TMPRSS15: variants seen among roughly 807,000 people sequenced by gnomAD.
The protein encoded by TMPRSS15 is enteropeptidase.
In TMPRSS15, 128 loss-of-function variants were observed where a neutral mutation model predicts 125.3. The observed-to-expected ratio is 1.02, with a 90% CI of 0.89 to 1.18. The LOEUF (loss-of-function observed/expected upper bound fraction) is 1.18. TMPRSS15 is among the 50% of genes most tolerant of loss of function. TMPRSS15 has a pLI of 0.00. For missense variants in TMPRSS15, 1,283 were observed against 1,212.7 expected (o/e 1.06, Z -0.86); for synonymous variants, 446 against 423.2 (o/e 1.05, Z -0.66).
At chr21:18,403,955 G>A (rs1479406558), upstream of TMPRSS15, among the ~76,000 whole-genome samples, 1 of 152,150 alleles carries the variant, frequency 6.6e-6, no homozygotes, top group Non-Finnish European at 1.5e-5. Flanking sequence ...TTATCATTTT[G>A]AGAACTATTA....
intron 3 of TMPRSS15, among the ~76,000 whole-genome samples, chr21:18,389,322 T>C (rs1436610282): frequency 3.9e-5 from 6 of 152,156 alleles, no homozygotes; most frequent in South Asian, 4.1e-4. Context: ...AAGCTTTCAT[T>C]GTGTCTGTAT....
chr21:18,354,161 T>G (rs535160227), intron 8 of TMPRSS15, among the ~76,000 whole-genome samples: 1 of 151,984 alleles, frequency 6.6e-6, no homozygotes, highest in South Asian at 2.1e-4. Context: ...GATGCATTCA[T>G]TTACTGGCAA....
intron 1 of TMPRSS15, among the ~76,000 whole-genome samples, chr21:18,408,930 A>T (rs762920814): frequency 6.6e-6 from 1 of 152,122 alleles, no homozygotes; most frequent in Non-Finnish European, 1.5e-5. Context: ...TAAAAGAGTT[A>T]TAGTTGTAAC....
At position 18,270,067 on chromosome 21, in the gene TMPRSS15, C is replaced by A; in HGVS notation, c.2962G>T (p.Val988Leu). ...QENNRWFLAG[V>L]TSFGYKCALP... is the part of the protein sequence containing the mutation. ...GCACACTTGTATCCAAATGAGGTCA[C>A]ACCAGCAAGGAACCACCTGTTGTTT... is the stretch of plus-strand genomic sequence containing the variant. The change falls in exon 25 of 25, where the codon GTG (valine) becomes TTG (leucine). Residue 988 changes from valine (V) to leucine (L), a missense_variant. Physicochemically the swap from Val to Leu is conservative, Grantham distance 32. Transcript: ENST00000284885. 1 of 1,614,008 alleles carries A rather than the reference C, an allele frequency of 6.2e-7. No homozygotes were observed. The highest frequency in any genetic ancestry group is 8.5e-7 in the Non-Finnish European group (1 of 1,179,916).
intron 1 of TMPRSS15, among the ~76,000 whole-genome samples, chr21:18,434,230 C>A (rs2076223182): frequency 1.3e-5 from 2 of 152,132 alleles, no homozygotes; most frequent in African/African-American, 4.8e-5. Flanking sequence ...ATCTACATTG[C>A]ACGTATACTC....
intron 12 of TMPRSS15, among the ~76,000 whole-genome samples, chr21:18,342,268 T>C (rs2075454972): frequency 6.6e-6 from 1 of 152,276 alleles, no homozygotes. Flanking sequence ...TGCTATTTGC[T>C]ATGCTAGGCA....
chr21:18,402,270 G>A (rs2076101802), intron 1 of TMPRSS15, among the ~76,000 whole-genome samples: 1 of 152,136 alleles, frequency 6.6e-6, no homozygotes, highest in East Asian at 1.9e-4. Flanking sequence ...GGTGGCTCAT[G>A]CCTGTAATCC....
At chr21:18,315,471 C>G (rs2075154791) in intron 16 of TMPRSS15, among the ~76,000 whole-genome samples, 1 of 106,770 alleles carries the variant, frequency 9.4e-6, no homozygotes, top group Non-Finnish European at 2.1e-5. Context: ...TGCACATGTA[C>G]CGTAGAACTT....
chr21:18,331,565 T>C (rs2075345901), intron 14 of TMPRSS15, among the ~76,000 whole-genome samples: 1 of 152,260 alleles, frequency 6.6e-6, no homozygotes, highest in Non-Finnish European at 1.5e-5. Context: ...TTTTATTTTT[T>C]ATACTGGAAA....
At chr21:18,473,408 G>A (rs1035510232) in intron 1 of TMPRSS15, among the ~76,000 whole-genome samples, 1 of 151,906 alleles carries the variant, frequency 6.6e-6, no homozygotes, top group Non-Finnish European at 1.5e-5. Flanking sequence ...CAGTTGTATC[G>A]ATTATAATCA....
At chr21:18,324,784 T>C (rs1298879797) in intron 16 of TMPRSS15, among the ~76,000 whole-genome samples, 1 of 152,162 alleles carries the variant, frequency 6.6e-6, no homozygotes, top group Non-Finnish European at 1.5e-5. Flanking sequence ...TTAAATGTGC[T>C]CAGTATTAAC....
At chr21:18,315,085 C>G (rs2075147241) in intron 17 of TMPRSS15, 61 bp downstream of exon 17, 3 of 1,294,468 alleles carry the variant, frequency 2.3e-6, no homozygotes, top group Non-Finnish European at 3.3e-6. Flanking sequence ...TTCTTTGACA[C>G]TGTAGAGTCC....
intron 18 of TMPRSS15, among the ~76,000 whole-genome samples, chr21:18,312,052 GACAA>G (rs998468491): frequency 1.3e-4 from 19 of 151,988 alleles, no homozygotes; most frequent in African/African-American, 4.3e-4. Flanking sequence ...AGTTTAATAT[GACAA>G]ACAAACTTTA....
At chr21:18,343,752 T>C in intron 11 of TMPRSS15, 96 bp from the exon 12 acceptor site, 4 of 1,430,896 alleles carry the variant, frequency 2.8e-6, no homozygotes, top group East Asian at 4.5e-5. Context: ...TTTGAAATAA[T>C]CTTTTTTTCC....
At chr21:18,318,507 A>T (rs1011893411) in intron 16 of TMPRSS15, among the ~76,000 whole-genome samples, 1 of 152,206 alleles carries the variant, frequency 6.6e-6, no homozygotes, top group Non-Finnish European at 1.5e-5. Flanking sequence ...AAACAAAGAC[A>T]ATATTTCCAC....
chr21:18,346,327 T>C (rs576876682), intron 10 of TMPRSS15, among the ~76,000 whole-genome samples: 3 of 152,250 alleles, frequency 2.0e-5, no homozygotes, highest in Non-Finnish European at 4.4e-5. Context: ...CAGAAGAAAT[T>C]ATTCTATTCC....
At position 18,465,813 on chromosome 21, in the gene TMPRSS15, T is replaced by C. The variant is rs180942396; in HGVS notation, c.10+19986A>G. Among the ~76,000 whole-genome samples, 748 of 152,248 alleles carry C rather than the reference T, an allele frequency of 4.9e-3. 7 individuals are homozygous for C. The highest frequency in any genetic ancestry group is 0.017 in the African/African-American group (725 of 41,550). ...TATGCTCATGGATAGGAAGAATCAA[T>C]ATGGTGAAAATGGCCATACTGCCCA... On this transcript the variant is annotated intron_variant, in intron 1 of 7. Coordinates refer to the TMPRSS15 transcript ENST00000422787.
At chr21:18,326,098 T>C (rs546690114) in intron 16 of TMPRSS15, among the ~76,000 whole-genome samples, 1 of 152,084 alleles carries the variant, frequency 6.6e-6, no homozygotes, top group African/African-American at 2.4e-5. Context: ...GTTCTTGATA[T>C]GGGAAACATG....
intron 21 of TMPRSS15, 149 bp from the exon 22 acceptor site, chr21:18,281,370 A>ATCT: frequency 1.3e-6 from 1 of 762,666 alleles, no homozygotes; most frequent in East Asian, 2.7e-5. Context: ...ATATTCTCAA[A>ATCT]TCTTTATTTT....
Sources: gnomAD v4.1 joint callset for allele counts (sites outside exome capture counted in the v4.1 genomes callset) on GRCh38, gnomAD v4.1.1 for gene constraint, MANE v1.5 for transcripts, NCBI Gene and HGNC (gene_info 2026-07-23, HGNC 2026-07-21) for gene names.